The following RERE variants were observed in gnomAD, a reference collection of about 807,000 sequenced individuals.
RERE encodes the protein arginine-glutamic acid dipeptide repeats protein.
RERE carries 40 observed loss-of-function variants against 146.1 expected under a neutral mutation model. The ratio of observed to expected loss-of-function variants is 0.27; its 90% CI spans 0.21 to 0.36. RERE has a LOEUF of 0.36. Among genes scored for constraint, RERE ranks in the 10% least tolerant of loss-of-function variants. RERE has a pLI of 1.00. For missense variants in RERE, 1,933 were observed against 2,138.7 expected (o/e 0.90, Z 1.90); for synonymous variants, 1,003 against 866.0 (o/e 1.16, Z -2.78).
At chr1:8,801,716 T>C (rs1419141500) in intron 1 of RERE, among the ~76,000 whole-genome samples, 1 of 152,208 alleles carries the variant, frequency 6.6e-6, no homozygotes, top group Non-Finnish European at 1.5e-5. Flanking sequence ...GGCATATCTT[T>C]GGGGGCAATT....
chr1:8,629,063 A>C (rs1647005982), intron 2 of RERE, among the ~76,000 whole-genome samples: 1 of 152,224 alleles, frequency 6.6e-6, no homozygotes, highest in South Asian at 2.1e-4. Flanking sequence ...AGAATTGAGC[A>C]AACGGTTTTG....
chr1:8,574,985 A>T (rs1646272717), intron 4 of RERE, among the ~76,000 whole-genome samples: 1 of 152,242 alleles, frequency 6.6e-6, no homozygotes, highest in Non-Finnish European at 1.5e-5. Flanking sequence ...CTAATTCGCA[A>T]ATGCTAAAAT....
chr1:8,760,784 A>G (rs1640743006), intron 1 of RERE, among the ~76,000 whole-genome samples: 1 of 151,904 alleles, frequency 6.6e-6, no homozygotes, highest in Admixed American at 6.6e-5. Flanking sequence ...ACTTTGTACA[A>G]TTTTATATTT....
chr1:8,514,446 T>C (rs146325022), intron 7 of RERE, among the ~76,000 whole-genome samples: 52 of 152,244 alleles, frequency 3.4e-4, no homozygotes, highest in African/African-American at 1.2e-3. Flanking sequence ...AAAATACTAA[T>C]AGGCTGGGCG....
chr1:8,644,608 A>T (rs979711837), intron 2 of RERE, among the ~76,000 whole-genome samples: 4 of 152,204 alleles, frequency 2.6e-5, no homozygotes, highest in Non-Finnish European at 5.9e-5. Context: ...TTAGGGTTCA[A>T]AATCCAGTAA....
chr1:8,609,219 C>CAA (rs776942261), intron 4 of RERE, among the ~76,000 whole-genome samples: 7 of 113,828 alleles, frequency 6.1e-5, no homozygotes, highest in African/African-American at 1.3e-4. Flanking sequence ...CCCTGTCTCC[C>CAA]AAAAAAAAAA....
intron 10 of RERE, among the ~76,000 whole-genome samples, chr1:8,466,299 A>G (rs543523467): frequency 2.3e-4 from 35 of 152,296 alleles, no homozygotes; most frequent in Middle Eastern, 3.4e-3. Context: ...TAAAGCAAAC[A>G]TTTAGGGAAT....
chr1:8,768,520 T>C (rs536592668), intron 1 of RERE, among the ~76,000 whole-genome samples: 1 of 152,344 alleles, frequency 6.6e-6, no homozygotes, highest in Admixed American at 6.5e-5. Context: ...TGGTCACATG[T>C]AGCCACTGAA....
intron 1 of RERE, among the ~76,000 whole-genome samples, chr1:8,704,069 TTAAA>T (rs1291312608): frequency 6.6e-6 from 1 of 152,198 alleles, no homozygotes; most frequent in Non-Finnish European, 1.5e-5. Flanking sequence ...CCATGTGGCT[TTAAA>T]TAAACATATA....
chr1:8,356,948 C>T lies in RERE; in HGVS notation c.4340-702G>A, dbSNP rs1311105157. 1.3e-5 allele frequency among the ~76,000 whole-genome samples: 2 copies of T among 152,160 alleles called. No individual in the cohort carries two copies. The highest frequency in any genetic ancestry group is 3.9e-4 in the East Asian group (2 of 5,194). ...GCTCTGCCTCTGTGGCTGCTCTTGCCCCGATTTCCCACAGCTTGCCCTTTC... is the reference window on the plus strand; with the variant it reads ...GCTCTGCCTCTGTGGCTGCTCTTGCTCCGATTTCCCACAGCTTGCCCTTTC... On this transcript the variant is annotated intron_variant, in intron 20 of 22. Coordinates refer to ENST00000400908, the MANE Select transcript of RERE (RefSeq NM_001042681.2). The surrounding 1 kb of genome is among the most constrained non-coding windows in gnomAD (Gnocchi z 5.2).
intron 2 of RERE, among the ~76,000 whole-genome samples, chr1:8,648,769 C>A (rs1239677674): frequency 6.6e-6 from 1 of 151,818 alleles, no homozygotes; most frequent in Non-Finnish European, 1.5e-5. Context: ...TTTCACAAAC[C>A]ACAAACTTAT....
intron 1 of RERE, among the ~76,000 whole-genome samples, chr1:8,705,191 T>C (rs1171652588): frequency 1.3e-5 from 2 of 152,208 alleles, no homozygotes; most frequent in Non-Finnish European, 2.9e-5. Context: ...AGCAAACCGC[T>C]CTATTCTGAA....
At chr1:8,465,830 A>G in intron 11 of RERE, 95 bp downstream of exon 11, 1 of 1,022,062 alleles carries the variant, frequency 9.8e-7, no homozygotes, top group Non-Finnish European at 1.5e-6. Flanking sequence ...GCATGACTGA[A>G]GCTTCTGCTT....
chr1:8,384,382 G>A (rs1006928762), intron 12 of RERE, among the ~76,000 whole-genome samples: 2 of 152,146 alleles, frequency 1.3e-5, no homozygotes, highest in Non-Finnish European at 2.9e-5. Context: ...CTCAGAAAAG[G>A]AACATGCTTC....
chr1:8,680,427 T>C (rs1236528478), intron 1 of RERE, among the ~76,000 whole-genome samples: 2 of 152,102 alleles, frequency 1.3e-5, no homozygotes, highest in Non-Finnish European at 2.9e-5. Context: ...CGTAGTGTGG[T>C]GTATAAAGCA....
At chr1:8,576,961 A>G (rs1646302116) in intron 4 of RERE, among the ~76,000 whole-genome samples, 1 of 152,194 alleles carries the variant, frequency 6.6e-6, no homozygotes, top group South Asian at 2.1e-4. Flanking sequence ...CAAGGTCAGG[A>G]GATGGAGACC....
At chr1:8,635,526 A>C (rs1032928695) in intron 2 of RERE, among the ~76,000 whole-genome samples, 1 of 152,210 alleles carries the variant, frequency 6.6e-6, no homozygotes, top group Non-Finnish European at 1.5e-5. Context: ...TCAACAAATG[A>C]GTGCAGCTGC....
intron 11 of RERE, 122 bp from the exon 12 acceptor site, chr1:8,422,929 G>GC: frequency 1.4e-6 from 1 of 715,584 alleles, no homozygotes; most frequent in Non-Finnish European, 2.4e-6. Context: ...AGGGAATACT[G>GC]CCGAGGCTCG....
intron 1 of RERE, among the ~76,000 whole-genome samples, chr1:8,752,015 T>C (rs930322251): frequency 1.3e-5 from 2 of 151,992 alleles, no homozygotes; most frequent in Admixed American, 6.6e-5. Context: ...GCTCTTTATG[T>C]GGCAGGCACT....
Sources: gnomAD v4.1 joint callset for allele counts (sites outside exome capture counted in the v4.1 genomes callset) on GRCh38, gnomAD v4.1.1 for gene constraint, Gnocchi (gnomAD v3.1) non-coding constraint, MANE v1.5 for transcripts, NCBI Gene and HGNC (gene_info 2026-07-23, HGNC 2026-07-21) for gene names.